EFCAB6: variants seen among roughly 807,000 people sequenced by gnomAD.
EFCAB6 encodes the protein EF-hand calcium-binding domain-containing protein 6.
Under a neutral mutation model 169.8 loss-of-function variants are expected in EFCAB6, and 156 were observed. The ratio of observed to expected loss-of-function variants is 0.92; its 90% CI spans 0.81 to 1.05. The LOEUF (loss-of-function observed/expected upper bound fraction) is 1.05. Among genes scored for constraint, EFCAB6 ranks in the 50% least tolerant of loss-of-function variants. EFCAB6 has a pLI of 0.00. For missense variants in EFCAB6, 1,800 were observed against 1,829.1 expected (o/e 0.98, Z 0.29); for synonymous variants, 698 against 676.4 (o/e 1.03, Z -0.50).
chr22:43,616,319 T>C lies in EFCAB6; in HGVS notation c.2466-397A>G, dbSNP rs149362972. On this transcript the variant is annotated intron_variant, in intron 20 of 31. Transcript: ENST00000262726. ...GACTACAGGAAATGGTTGAGAAACA[T>C]TGGGGGAACTTCTCAGTCTCAGCTC... Among the ~76,000 whole-genome samples, 161 of 152,270 alleles carry C rather than the reference T, an allele frequency of 1.1e-3. 1 individual carries two copies. Among genetic ancestry groups the C allele is most frequent in the African/African-American group, 3.6e-3 (150 of 41,560 alleles).
At chr22:43,801,746 G>A (rs550061582) in intron 2 of EFCAB6, among the ~76,000 whole-genome samples, 1 of 152,162 alleles carries the variant, frequency 6.6e-6, no homozygotes, top group South Asian at 2.1e-4. Context: ...AAAAGCAATG[G>A]ACTAAAACAT....
chr22:43,652,155 TC>T (rs1001233408), intron 17 of EFCAB6, among the ~76,000 whole-genome samples: 2 of 152,168 alleles, frequency 1.3e-5, no homozygotes, highest in Non-Finnish European at 2.9e-5. Flanking sequence ...CACCCAAATC[TC>T]ATCTTGAATT....
At position 43,656,787 on chromosome 22, in the gene EFCAB6, G is replaced by T. The variant is rs578158018; in HGVS notation, c.1983+10317C>A. Among the ~76,000 whole-genome samples the T allele has an allele frequency of 7.5e-5, 10 of 133,998 alleles. No homozygotes were observed. In the East Asian group the frequency reaches 2.6e-3, roughly 35 times the overall value. 87.9% of individuals were successfully genotyped at this position (133,998 alleles called of 152,430 possible). On this transcript the variant is annotated intron_variant, in intron 17 of 31. Transcript: ENST00000262726. ...CTATAGCACCTAGGTTTGTTGTAAGGTTATACCACATAGCTTAGCTGTGTA... is the reference window on the plus strand; with the variant it reads ...CTATAGCACCTAGGTTTGTTGTAAGTTTATACCACATAGCTTAGCTGTGTA...
At chr22:43,682,972 C>A (rs572761038) in intron 12 of EFCAB6, among the ~76,000 whole-genome samples, 10 of 152,158 alleles carry the variant, frequency 6.6e-5, no homozygotes, top group Non-Finnish European at 1.0e-4. Context: ...GAAGCCACCC[C>A]CAGGCAGTGC....
In EFCAB6 at chr22:43,537,399, G is replaced by A. The variant is rs769825410; in HGVS notation, c.4026C>T (p.Asp1342=). 1.9e-6 allele frequency: 3 copies of A among 1,613,980 alleles called. No homozygotes were observed. Among genetic ancestry groups the A allele is most frequent in the African/African-American group, 2.7e-5 (2 of 75,006 alleles). Residue 1342 remains aspartate (D), a synonymous_variant, in exon 29 of 32, where the codon GAC becomes GAT. Transcript: ENST00000262726. The surrounding 1 kb of genome is among the most constrained non-coding windows in gnomAD (Gnocchi z 4.3). ...AACCCAGGAAATCGGAGGCGTTGAT[G>A]TCCCCCTGTCTGGCCACGTCCTTCT... ...CKEKDVARQG[D]INASDFLALV...
At chr22:43,809,686 C>A (rs2063039112) in intron 1 of EFCAB6, among the ~76,000 whole-genome samples, 2 of 152,166 alleles carry the variant, frequency 1.3e-5, no homozygotes, top group African/African-American at 4.8e-5. Flanking sequence ...CGGCTCACTG[C>A]AACCTCCACC....
chr22:43,599,846 G>C (rs781434583), intron 23 of EFCAB6, among the ~76,000 whole-genome samples: 5 of 152,180 alleles, frequency 3.3e-5, no homozygotes, highest in Admixed American at 6.5e-5. Flanking sequence ...AAAATATGAT[G>C]AATGATATAA....
intron 7 of EFCAB6, 28 bp downstream of exon 7, chr22:43,735,829 A>G (rs1603298649): frequency 6.2e-7 from 1 of 1,609,702 alleles, no homozygotes. Context: ...CTACTGAGCA[A>G]TCTCTCACCG....
chr22:43,717,703 GTATAAAAACTTGGTACTTGAATATGCT>G lies in EFCAB6; in HGVS notation c.758-758_758-732del, dbSNP rs558235801. ...ATAATAAGAACCAGTTCTGGCTTGTGTATAAAAACTTGGTACTTGAATATGCTTAAATCCTTTTCTAGAGTTTTGTAC... is the reference window on the plus strand; with the variant it reads ...ATAATAAGAACCAGTTCTGGCTTGTGTAAATCCTTTTCTAGAGTTTTGTAC... On this transcript the variant is annotated intron_variant, in intron 8 of 31. Coordinates refer to ENST00000262726, the MANE Select transcript of EFCAB6 (RefSeq NM_022785.4). Among the ~76,000 whole-genome samples, 6 of 152,266 alleles carry G rather than the reference GTATAAAAACTTGGTACTTGAATATGCT, an allele frequency of 3.9e-5. No homozygotes were observed. The East Asian group carries it at 1.2e-3, about 29-fold the overall frequency.
intron 21 of EFCAB6, among the ~76,000 whole-genome samples, chr22:43,613,618 A>AG (rs1359871915): frequency 6.6e-6 from 1 of 151,902 alleles, no homozygotes; most frequent in Non-Finnish European, 1.5e-5. Context: ...TTGAGGGTGG[A>AG]GGGGGAAAGG....
chr22:43,679,321 T>A (rs2057908857), intron 12 of EFCAB6, among the ~76,000 whole-genome samples: 1 of 152,256 alleles, frequency 6.6e-6, no homozygotes, highest in African/African-American at 2.4e-5. Context: ...GTAGCATATA[T>A]CAGTATTTTG....
rs1372168931 is a variant in EFCAB6 at position 43,530,877 on chromosome 22, G to A, written c.4321C>T (p.Arg1441Cys). ...GCCTCATCATAGCTTTTGAACGTGC[G>A]CCGCATTGGCCTCCAGCAGTGCACA... ...KIVHCWRPMR[R>C]TFKSYDEAGT... Residue 1441 changes from arginine to cysteine, a missense_variant, in exon 31 of 32, where the codon CGC becomes TGC. Transcript: ENST00000262726. 6.2e-7 allele frequency: 1 copy of A among 1,614,216 alleles called. No individual in the cohort carries two copies. The highest frequency in any genetic ancestry group is 1.3e-5 in the African/African-American group (1 of 75,060).
chr22:43,605,043 G>A (rs1024333721), intron 22 of EFCAB6, among the ~76,000 whole-genome samples: 2 of 152,194 alleles, frequency 1.3e-5, no homozygotes, highest in Non-Finnish European at 2.9e-5. Context: ...GGCTACAGCA[G>A]GTGCTCGGAA....
At chr22:43,692,818 AT>A (rs2058455773) in intron 10 of EFCAB6, among the ~76,000 whole-genome samples, 2 of 152,190 alleles carry the variant, frequency 1.3e-5, no homozygotes, top group African/African-American at 2.4e-5. Flanking sequence ...ACAGAAAAAA[AT>A]ATTTGAAGAA....
chr22:43,801,158 G>A (rs1159382336), intron 2 of EFCAB6, among the ~76,000 whole-genome samples: 1 of 152,172 alleles, frequency 6.6e-6, no homozygotes, highest in Non-Finnish European at 1.5e-5. Flanking sequence ...ATATAGCCAG[G>A]AGGGAAGGGA....
chr22:43,668,736 C>T lies in EFCAB6; in HGVS notation c.1814+136G>A, dbSNP rs116459063. 443 of 767,388 alleles carry T rather than the reference C, an allele frequency of 5.8e-4. 3 individuals carry two copies. In the African/African-American group the frequency reaches 7.4e-3, roughly 13 times the overall value. The allele number at this position is 767,388 out of a possible 1,614,324, so 47.5% of individuals were successfully genotyped here. On this transcript the variant is annotated intron_variant, in intron 16 of 31. Coordinates refer to ENST00000262726, the MANE Select transcript of EFCAB6 (RefSeq NM_022785.4). Reference sequence around the variant, plus strand: ...CTCTAAAATTCCCTGACTCTAATTACTGTCTTTCTAGTGTGCCATCTTTCT... The same window carrying T: ...CTCTAAAATTCCCTGACTCTAATTATTGTCTTTCTAGTGTGCCATCTTTCT...
Position 43,572,348 on chromosome 22 carries a change from T to C in EFCAB6, c.3420+3949A>G, listed in dbSNP as rs775852995. On this transcript the variant is annotated intron_variant, in intron 26 of 31. Coordinates refer to ENST00000262726, the MANE Select transcript of EFCAB6 (RefSeq NM_022785.4). The surrounding 1 kb of genome is among the most constrained non-coding windows in gnomAD (Gnocchi z 4.0). Reference sequence around the variant, plus strand: ...ATCAGCAGAGGCTCCTTGTGACTCGTGCATGAGGACACTCAGGCCTCGCTG... The same window carrying C: ...ATCAGCAGAGGCTCCTTGTGACTCGCGCATGAGGACACTCAGGCCTCGCTG... 1.3e-5 allele frequency among the ~76,000 whole-genome samples: 2 copies of C among 152,172 alleles called. No homozygotes were observed. Among genetic ancestry groups the C allele is most frequent in the Non-Finnish European group, 2.9e-5 (2 of 68,030 alleles).
intron 30 of EFCAB6, 21 bp from the exon 31 acceptor site, chr22:43,530,985 G>A (rs1248300639): frequency 7.0e-7 from 1 of 1,438,512 alleles, no homozygotes; most frequent in Admixed American, 2.0e-5. Context: ...GACAAGAAGG[G>A]GTGAGGAGGG....
At chr22:43,699,756 C>T (rs1483284565) in intron 10 of EFCAB6, among the ~76,000 whole-genome samples, 7 of 152,184 alleles carry the variant, frequency 4.6e-5, no homozygotes, top group South Asian at 2.1e-4. Context: ...TGGGTTACCA[C>T]GGTTTCAATA....
Sources: allele counts gnomAD v4.1 joint callset (sites outside exome capture counted in the v4.1 genomes callset), GRCh38; gene constraint gnomAD v4.1.1; non-coding constraint Gnocchi (gnomAD v3.1); transcripts MANE v1.5; gene names NCBI Gene and HGNC (gene_info 2026-07-23, HGNC 2026-07-21).